SLC9A7: variants seen among roughly 807,000 people sequenced by gnomAD.
The protein encoded by SLC9A7 is sodium/hydrogen exchanger 7.
SLC9A7 carries 19 observed loss-of-function variants against 52.6 expected under a neutral mutation model. The ratio of observed to expected loss-of-function variants is 0.36; its 90% CI spans 0.25 to 0.53. SLC9A7 has a LOEUF of 0.53. Among genes scored for constraint, SLC9A7 ranks in the 20% least tolerant of loss-of-function variants. The pLI is 0.91. For missense variants in SLC9A7, 455 were observed against 597.9 expected (o/e 0.76, Z 2.49); for synonymous variants, 226 against 252.1 (o/e 0.90, Z 0.98).
At chrX:46,725,376 G>C in intron 1 of SLC9A7, 5 of 1,197,943 alleles carry the variant, frequency 4.2e-6, no homozygotes, top group Non-Finnish European at 5.7e-6. Context: ...GCGACTCAGT[G>C]CTTCTTGGAT....
chrX:46,607,218 C>A lies in SLC9A7; in HGVS notation c.1930-15G>T. Reference sequence around the variant, plus strand: ...GGCTCTTGGTTCTGAAAAGTGCAACCAACAACAACAACAAAAATGAGAGAC... The same window carrying A: ...GGCTCTTGGTTCTGAAAAGTGCAACAAACAACAACAACAAAAATGAGAGAC... On this transcript the variant is annotated splice_polypyrimidine_tract_variant and intron_variant, in intron 16 of 16. Transcript: ENST00000616978. 1 of 1,196,229 alleles carries A rather than the reference C, an allele frequency of 8.4e-7. No individual in the cohort carries two copies. Among genetic ancestry groups the A allele is most frequent in the Non-Finnish European group, 1.1e-6 (1 of 885,796 alleles).
chrX:46,688,860 C>A (rs1284202842), intron 1 of SLC9A7, among the ~76,000 whole-genome samples: 1 of 110,309 alleles, frequency 9.1e-6, no homozygotes, highest in Admixed American at 9.7e-5. Flanking sequence ...AAAAAAAAAA[C>A]CCAAACTTTT....
In SLC9A7 at chrX:46,682,398, G is replaced by C. The variant is rs752712410; in HGVS notation, c.463C>G (p.Leu155Val). ...NVSGKFFEYT[L>V]KGEISPGKIN... is the part of the protein sequence containing the mutation. ...TTGCCAGGACTGATTTCTCCTTTCA[G>C]AGTGTATTCGAAGAACTTTCCGCTG... The change falls in exon 2 of 17, where the codon CTG (leucine) becomes GTG (valine). Residue 155 changes from leucine to valine, a missense_variant. By Grantham distance (32) the Leu-to-Val change is conservative. Around this residue, in one of 3 missense-constraint regions of SLC9A7, gnomAD observed 304 missense variants for 417.8 expected, o/e 0.73. Coordinates refer to ENST00000616978, the MANE Select transcript of SLC9A7 (RefSeq NM_001257291.2). 2 of 1,211,250 alleles carry C rather than the reference G, an allele frequency of 1.7e-6. No individual in the cohort carries two copies. Among genetic ancestry groups the C allele is most frequent in the South Asian group, 1.8e-5 (1 of 56,959 alleles).
At chrX:46,721,656 G>A (rs369703010) in intron 1 of SLC9A7, among the ~76,000 whole-genome samples, 1 of 111,497 alleles carries the variant, frequency 9.0e-6, no homozygotes, top group East Asian at 2.8e-4. Context: ...CAAAGTGAAG[G>A]CCCAGGGTTG....
At chrX:46,654,275 A>G (rs891001569) in intron 7 of SLC9A7, among the ~76,000 whole-genome samples, 9 of 109,946 alleles carry the variant, frequency 8.2e-5, no homozygotes, top group African/African-American at 3.0e-4. Flanking sequence ...CTGTAATCCC[A>G]GCTATTCAGG....
intron 15 of SLC9A7, among the ~76,000 whole-genome samples, chrX:46,619,382 C>A (rs1943004995): frequency 9.0e-6 from 1 of 111,122 alleles, no homozygotes; most frequent in African/African-American, 3.3e-5. Flanking sequence ...GTCCTATTAC[C>A]CAGCAATGTT....
intron 3 of SLC9A7, among the ~76,000 whole-genome samples, chrX:46,676,486 G>C (rs1474437614): frequency 8.9e-6 from 1 of 112,085 alleles, no homozygotes. Flanking sequence ...CAAAGCCTGT[G>C]AGGTGTTTTT....
chrX:46,646,074 GT>G (rs375690808), intron 11 of SLC9A7, among the ~76,000 whole-genome samples: 8 of 109,064 alleles, frequency 7.3e-5, no homozygotes, highest in South Asian at 4.0e-4. Flanking sequence ...GGAGGAAACT[GT>G]TTTTTTTTGT....
Position 46,748,965 on chromosome X carries a change from C to CA in SLC9A7, c.325+9739dup, listed in dbSNP as rs1024314352. Reference sequence around the variant, plus strand: ...AAGTTTTATGTTATGTATATTTTACCAAAAAAAAAATAAACAACTACCACG... The same window carrying CA: ...AAGTTTTATGTTATGTATATTTTACCAAAAAAAAAAATAAACAACTACCACG... On this transcript the variant is annotated intron_variant, in intron 1 of 16. Transcript: ENST00000616978. Among the ~76,000 whole-genome samples, 285 of 105,330 alleles carry CA rather than the reference C, an allele frequency of 2.7e-3. 1 individual carries two copies. The highest frequency in any genetic ancestry group is 5.0e-3 in the African/African-American group (145 of 29,210). The allele number at this position is 105,330 out of a possible 115,157, so 91.5% of individuals were successfully genotyped here. A position where few individuals can be genotyped will look rare whatever the true frequency, so the allele number is the denominator to read the frequency against.
chrX:46,662,212 G>A (rs1289321731), intron 6 of SLC9A7, 55 bp from the exon 7 acceptor site: 5 of 1,079,101 alleles, frequency 4.6e-6, no homozygotes, highest in Non-Finnish European at 6.2e-6. Flanking sequence ...TTTACACTAT[G>A]GTACTTGAAA....
intron 1 of SLC9A7, 79 bp downstream of exon 1, chrX:46,758,626 G>A: frequency 1.6e-6 from 1 of 623,551 alleles, no homozygotes; most frequent in South Asian, 4.9e-5. Flanking sequence ...GGCAAGTGAA[G>A]GGGGAGCACC....
intron 3 of SLC9A7, among the ~76,000 whole-genome samples, chrX:46,676,465 T>C (rs1420454262): frequency 4.5e-5 from 5 of 111,872 alleles, no homozygotes; most frequent in Non-Finnish European, 9.4e-5. Flanking sequence ...AACAAATTGA[T>C]TGGGAACTGG....
chrX:46,655,613 CG>C (rs1245547642), intron 7 of SLC9A7, among the ~76,000 whole-genome samples: 5 of 112,006 alleles, frequency 4.5e-5, no homozygotes, highest in African/African-American at 1.3e-4. Flanking sequence ...GGGTGACAGA[CG>C]GCACCTGGAA....
At position 46,662,582 on chromosome X, in the gene SLC9A7, A is replaced by G; in HGVS notation, c.855T>C (p.Phe285=). Residue 285 remains phenylalanine, a synonymous_variant, in exon 6 of 17, where the codon TTT becomes TTC. Transcript: ENST00000616978. ...CAGCATCATTTAGGACGCTCTCTCC[A>G]AAAAGAAGTGCGTAAAGATCCACGT... ...HADVDLYALL[F]GESVLNDAVA... is the part of the protein sequence containing the mutation. 8.3e-7 allele frequency: 1 copy of G among 1,210,547 alleles called. No individual in the cohort carries two copies. The highest frequency in any genetic ancestry group is 3.0e-5 in the East Asian group (1 of 33,843).
Position 46,707,020 on chromosome X carries a change from C to T in SLC9A7, c.326-24485G>A, listed in dbSNP as rs966303234. Among the ~76,000 whole-genome samples the T allele has an allele frequency of 9.0e-5, 10 of 111,448 alleles. No individual in the cohort carries two copies. The East Asian group carries it at 2.5e-3, about 28-fold the overall frequency. ...CCTACCAAAGTGCTGGGATTACAGC[C>T]GTGAACCACCGCACCCAGCCTCAGG... On this transcript the variant is annotated intron_variant, in intron 1 of 16. Transcript: ENST00000616978.
At position 46,620,980 on chromosome X, in the gene SLC9A7, T is replaced by C; in HGVS notation, c.1820A>G (p.His607Arg). The C allele has an allele frequency of 8.4e-7, 1 of 1,194,010 alleles. No individual in the cohort carries two copies. The highest frequency in any genetic ancestry group is 1.1e-6 in the Non-Finnish European group (1 of 881,499). The change falls in exon 15 of 17, where the codon CAC (histidine) becomes CGC (arginine). Residue 607 changes from histidine (H) to arginine (R), a missense_variant. His to Arg is a conservative substitution (Grantham distance 29). Transcript: ENST00000616978. ...WIFRLWYSFD[H>R]NYLKPILTHS... Reference sequence around the variant, plus strand: ...GGGATGCTACTTAAAAGGATACTTGTGATCAAAGCTGTACCACAGCCTGAA... The same window carrying C: ...GGGATGCTACTTAAAAGGATACTTGCGATCAAAGCTGTACCACAGCCTGAA...
rs1211978343 is a variant in SLC9A7 at position 46,653,671 on chromosome X, G to A, written c.1085C>T (p.Thr362Met). 1.1e-5 allele frequency: 13 copies of A among 1,210,788 alleles called. No individual in the cohort carries two copies. The highest frequency in any genetic ancestry group is 2.3e-4 in the Middle Eastern group (1 of 4,355). Residue 362 changes from threonine to methionine, a missense_variant, in exon 8 of 17, where the codon ACG becomes ATG. Physicochemically the swap from Thr to Met is moderately conservative, Grantham distance 81. Transcript: ENST00000616978. The part of the protein sequence containing the change: ...TKLHCFPLLE[T>M]ALFFLMSWST... ...CCAGGACATGAGGAAGAACAGCGCC[G>A]TCTCCAGCAGGGGGAAGCAGTGCAG...
chrX:46,612,363 CCT>C (rs774818547), intron 16 of SLC9A7, among the ~76,000 whole-genome samples: 1 of 111,618 alleles, frequency 9.0e-6, no homozygotes, highest in Non-Finnish European at 1.9e-5. Flanking sequence ...GCTCTCTCTA[CCT>C]CTCTGCCCTG....
At chrX:46,621,083 T>G (rs778631859) in intron 14 of SLC9A7, 24 bp from the exon 15 acceptor site, 1 of 1,071,377 alleles carries the variant, frequency 9.3e-7, no homozygotes, top group Non-Finnish European at 1.3e-6. Context: ...AGAGGGCACA[T>G]GCTTAGTTGT....
Sources: allele counts gnomAD v4.1 joint callset (sites outside exome capture counted in the v4.1 genomes callset), GRCh38; gene constraint gnomAD v4.1.1; regional missense constraint gnomAD v4.1.1; transcripts MANE v1.5; gene names NCBI Gene and HGNC (gene_info 2026-07-23, HGNC 2026-07-21).